Variants in MALRD1 observed in about 807,000 individuals in gnomAD.
MALRD1 encodes the protein MAM and LDL receptor class A domain containing 1.
Under a neutral mutation model 242.1 loss-of-function variants are expected in MALRD1, and 247 were observed. That is an observed-to-expected ratio of 1.02 (90% CI 0.92 to 1.13). The LOEUF is 1.13. Ranked by LOEUF, MALRD1 falls within the 50% of genes most tolerant of loss-of-function variation. The probability of loss-of-function intolerance (pLI) is 0.00; values close to 1 mark genes in which losing one functional copy is unlikely to be tolerated. For missense variants in MALRD1, 2,989 were observed against 2,533.1 expected (o/e 1.18, Z -3.86); for synonymous variants, 995 against 866.6 (o/e 1.15, Z -2.60).
At chr10:19,063,683 T>C (rs1355506485) in intron 1 of MALRD1, among the ~76,000 whole-genome samples, 1 of 151,948 alleles carries the variant, frequency 6.6e-6, no homozygotes, top group Non-Finnish European at 1.5e-5. Context: ...ATCCAGTCTA[T>C]CATTGTTGGA....
chr10:19,239,202 G>A (rs1293529286), intron 18 of MALRD1, among the ~76,000 whole-genome samples: 1 of 151,914 alleles, frequency 6.6e-6, no homozygotes, highest in Non-Finnish European at 1.5e-5. Context: ...GGGGTTACAG[G>A]CACACGCCAT....
intron 1 of MALRD1, among the ~76,000 whole-genome samples, chr10:19,052,708 C>T (rs1834545823): frequency 6.6e-6 from 1 of 152,092 alleles, no homozygotes; most frequent in Admixed American, 6.6e-5. Context: ...GCCTGCACCC[C>T]TGGTTTCTTT....
At chr10:19,175,443 C>CGATA in intron 14 of MALRD1, 115 bp downstream of exon 14, 1 of 578,766 alleles carries the variant, frequency 1.7e-6, no homozygotes, top group Non-Finnish European at 2.3e-6. Context: ...TGGATTATAT[C>CGATA]ACCTGTTCTT....
intron 24 of MALRD1, among the ~76,000 whole-genome samples, chr10:19,334,005 G>A (rs557180190): frequency 2.6e-5 from 4 of 151,178 alleles, no homozygotes; most frequent in African/African-American, 9.7e-5. Flanking sequence ...TTTTTTGATT[G>A]CTGAATTGAC....
chr10:19,681,875 TTG>T (rs1221353962), intron 36 of MALRD1, among the ~76,000 whole-genome samples: 5 of 149,480 alleles, frequency 3.3e-5, no homozygotes, highest in Admixed American at 6.7e-5. Context: ...TTTTTTTTTT[TTG>T]AGACAGAGTC....
rs1846247298 is a variant in MALRD1, at chr10:19,389,560, G to A, written c.4796G>A (p.Trp1599Ter). ...ESSAACTMSFWYFVSAKATGS... is the reference protein window; with the variant it reads ...ESSAACTMSF ...AGTGCAGCCTGCACCATGAGCTTCT[G>A]GTATTTCGTATCTGCAAAGGCCACA... is the stretch of plus-strand genomic sequence containing the variant. The change falls in exon 28 of 40, where the codon TGG (tryptophan) becomes TAG (stop). Residue 1599 changes from tryptophan to a stop codon, truncating the protein, a stop_gained. Coordinates refer to ENST00000454679, the MANE Select transcript of MALRD1 (RefSeq NM_001142308.3). LOFTEE classifies it high-confidence loss of function. The A allele has an allele frequency of 1.3e-6, 2 of 1,550,542 alleles. No individual in the cohort carries two copies. The highest frequency in any genetic ancestry group is 1.7e-6 in the Non-Finnish European group (2 of 1,146,958).
At chr10:19,456,013 A>C (rs968317285) in intron 29 of MALRD1, among the ~76,000 whole-genome samples, 1 of 152,210 alleles carries the variant, frequency 6.6e-6, no homozygotes, top group African/African-American at 2.4e-5. Flanking sequence ...TCAGGGTAGA[A>C]TCCAATAATG....
At chr10:19,086,375 C>T (rs1375229674) in intron 2 of MALRD1, among the ~76,000 whole-genome samples, 2 of 151,910 alleles carry the variant, frequency 1.3e-5, no homozygotes, top group Admixed American at 6.6e-5. Flanking sequence ...TTTCTCATTC[C>T]TTTTGACAAA....
chr10:19,546,007 T>G (rs1343382200), intron 32 of MALRD1, among the ~76,000 whole-genome samples: 1 of 152,210 alleles, frequency 6.6e-6, no homozygotes, highest in Non-Finnish European at 1.5e-5. Context: ...GACACCCAAA[T>G]CTCTCAAGAG....
intron 31 of MALRD1, among the ~76,000 whole-genome samples, chr10:19,523,598 A>C (rs12255876): frequency 0.21 from 31,493 of 152,102 alleles, 5,037 homozygotes; most frequent in African/African-American, 0.45. Flanking sequence ...ACTCATAAAG[A>C]GGTTTTTCAG....
chr10:19,676,451 TA>T (rs1842143841), intron 36 of MALRD1, among the ~76,000 whole-genome samples: 1 of 152,218 alleles, frequency 6.6e-6, no homozygotes, highest in African/African-American at 2.4e-5. Flanking sequence ...AATTTGGACA[TA>T]TTTTTTAACC....
At chr10:19,481,104 A>G (rs2131177748) in intron 29 of MALRD1, among the ~76,000 whole-genome samples, 1 of 152,322 alleles carries the variant, frequency 6.6e-6, no homozygotes, top group East Asian at 1.9e-4. Context: ...TGAAAATTCA[A>G]ACTTCAGGAA....
chr10:19,396,196 G>A lies in MALRD1; in HGVS notation c.4845+6587G>A, dbSNP rs1050906090. 4.2e-5 allele frequency among the ~76,000 whole-genome samples: 6 copies of A among 144,408 alleles called. 1 individual carries two copies. In the Admixed American group the frequency reaches 4.3e-4, roughly 10 times the overall value. 94.7% of individuals were successfully genotyped at this position (144,408 alleles called of 152,430 possible). On this transcript the variant is annotated intron_variant, in intron 28 of 39. Coordinates refer to ENST00000454679, the MANE Select transcript of MALRD1 (RefSeq NM_001142308.3). ...TCTGTCACCCTGGCTGAGGTGCAGT[G>A]ATGCAATCTCAGCTCACTGCAACCT...
At chr10:19,294,668 T>C (rs1448376738) in intron 21 of MALRD1, among the ~76,000 whole-genome samples, 2 of 152,170 alleles carry the variant, frequency 1.3e-5, no homozygotes, top group Non-Finnish European at 2.9e-5. Context: ...TCTTTAAAGA[T>C]ACCCAAGGCA....
intron 32 of MALRD1, among the ~76,000 whole-genome samples, chr10:19,563,909 G>T (rs10827575): frequency 6.6e-6 from 1 of 151,880 alleles, no homozygotes; most frequent in Non-Finnish European, 1.5e-5. Context: ...CACAAAATCT[G>T]GTTGTTGTAA....
chr10:19,696,946 T>C (rs1833407581), intron 38 of MALRD1, among the ~76,000 whole-genome samples: 1 of 152,080 alleles, frequency 6.6e-6, no homozygotes, highest in Non-Finnish European at 1.5e-5. Flanking sequence ...TCATTAGTAA[T>C]TCTTTAATTA....
chr10:19,264,636 G>A (rs1056749603), intron 19 of MALRD1, among the ~76,000 whole-genome samples: 7 of 151,770 alleles, frequency 4.6e-5, no homozygotes, highest in African/African-American at 1.2e-4. Flanking sequence ...TGTACTTTTC[G>A]TAGATCCGGG....
chr10:19,526,943 A>T (rs1375025206), intron 31 of MALRD1, among the ~76,000 whole-genome samples: 2 of 152,176 alleles, frequency 1.3e-5, no homozygotes, highest in African/African-American at 4.8e-5. Context: ...AATAGGAAAG[A>T]AGGTGATGTT....
At chr10:19,408,549 C>G (rs1833134203) in intron 28 of MALRD1, among the ~76,000 whole-genome samples, 1 of 152,012 alleles carries the variant, frequency 6.6e-6, no homozygotes, top group Admixed American at 6.6e-5. Context: ...CAAAGAAAAT[C>G]ATACATTAGT....
Sources: gnomAD v4.1 joint callset for allele counts (sites outside exome capture counted in the v4.1 genomes callset) on GRCh38, gnomAD v4.1.1 for gene constraint, MANE v1.5 for transcripts, NCBI Gene and HGNC (gene_info 2026-07-23, HGNC 2026-07-21) for gene names.